The following GMDS variants were observed in gnomAD, a reference collection of about 807,000 sequenced individuals.
The protein encoded by GMDS is GDP-mannose 4,6-dehydratase.
A neutral mutation model predicts 49.9 loss-of-function variants in GMDS; 20 were observed. The ratio of observed to expected loss-of-function variants is 0.40; its 90% CI spans 0.28 to 0.58. The LOEUF is 0.58. GMDS is among the 20% of genes least tolerant of loss of function. The pLI is 0.42. For synonymous variants in GMDS, 177 were observed against 178.6 expected (o/e 0.99, Z 0.07); for missense variants, 362 against 481.4 (o/e 0.75, Z 2.32).
intron 6 of GMDS, among the ~76,000 whole-genome samples, chr6:1,955,740 A>G (rs114925122): frequency 9.2e-5 from 14 of 152,190 alleles, no homozygotes; most frequent in African/African-American, 2.6e-4. Context: ...ATTTAGAAAG[A>G]AAACCTAAAT....
At chr6:1,819,615 G>A (rs1054306198) in intron 7 of GMDS, among the ~76,000 whole-genome samples, 11 of 151,900 alleles carry the variant, frequency 7.2e-5, no homozygotes, top group African/African-American at 2.7e-4. Context: ...ACAAAAATTA[G>A]CCAGGCGTGG....
At chr6:1,832,423 T>C (rs1756703307) in intron 7 of GMDS, among the ~76,000 whole-genome samples, 2 of 151,886 alleles carry the variant, frequency 1.3e-5, no homozygotes, top group Admixed American at 6.6e-5. Flanking sequence ...CAAAACTCCT[T>C]AGAGATTAAT....
At chr6:2,137,235 T>G (rs1776052757) in intron 1 of GMDS, among the ~76,000 whole-genome samples, 1 of 152,208 alleles carries the variant, frequency 6.6e-6, no homozygotes, top group African/African-American at 2.4e-5. Flanking sequence ...GCCTAGCTAG[T>G]TGACAAATTA....
At chr6:1,840,688 A>G (rs992975808) in intron 7 of GMDS, among the ~76,000 whole-genome samples, 1 of 152,186 alleles carries the variant, frequency 6.6e-6, no homozygotes. Flanking sequence ...CAAGTGGAGC[A>G]CTGAGTGGAG....
At position 2,150,122 on chromosome 6, in the gene GMDS, C is replaced by A. The variant is rs193153941; in HGVS notation, c.103-25391G>T. Among the ~76,000 whole-genome samples the A allele has an allele frequency of 1.5e-3, 227 of 152,002 alleles. 2 individuals carry two copies. Among genetic ancestry groups the A allele is most frequent in the African/African-American group, 5.0e-3 (207 of 41,454 alleles). On this transcript the variant is annotated intron_variant, in intron 1 of 10. Transcript: ENST00000380815. ...GAAAAAACACTCATTCCATCTAGTA[C>A]GTATTGTGAGAGAAGATCAAGTACT...
chr6:1,914,869 G>A (rs1332178019), intron 7 of GMDS, among the ~76,000 whole-genome samples: 1 of 152,220 alleles, frequency 6.6e-6, no homozygotes, highest in East Asian at 1.9e-4. Flanking sequence ...GATGAGTGAG[G>A]TGCTAGGCCC....
At chr6:2,020,935 T>C (rs1768240776) in intron 4 of GMDS, among the ~76,000 whole-genome samples, 1 of 152,222 alleles carries the variant, frequency 6.6e-6, no homozygotes, top group African/African-American at 2.4e-5. Flanking sequence ...TCTACTACTA[T>C]ACTGGAAAAA....
chr6:1,970,113 G>A (rs1366695407), intron 4 of GMDS, among the ~76,000 whole-genome samples: 7 of 152,108 alleles, frequency 4.6e-5, no homozygotes, highest in Non-Finnish European at 8.8e-5. Context: ...ATGTGGTGTC[G>A]GAAAAAGAGA....
chr6:2,054,563 A>G (rs1358016264), intron 4 of GMDS, among the ~76,000 whole-genome samples: 4 of 152,122 alleles, frequency 2.6e-5, no homozygotes, highest in South Asian at 2.1e-4. Context: ...GAGGTTGGCA[A>G]TAACAGTGAA....
chr6:1,637,898 G>C (rs529628673), intron 9 of GMDS, among the ~76,000 whole-genome samples: 1 of 152,186 alleles, frequency 6.6e-6, no homozygotes, highest in South Asian at 2.1e-4. Flanking sequence ...TGTGCCACTC[G>C]AGGTGGATCC....
At position 1,960,752 on chromosome 6, in the gene GMDS, C is replaced by T. The variant is rs191793429; in HGVS notation, c.538+22G>A. ...CACAGATAACGCCACACATGTGCTC[C>T]GGTGTGCACGCATGTTCTCACCATA... On this transcript the variant is annotated intron_variant, in intron 5 of 10. Coordinates refer to ENST00000380815, the MANE Select transcript of GMDS (RefSeq NM_001500.4). 5.7e-4 allele frequency: 847 copies of T among 1,485,810 alleles called. 7 individuals are homozygous for T. In the East Asian group the frequency reaches 0.016, roughly 28 times the overall value. 92.0% of individuals were successfully genotyped at this position (1,485,810 alleles called of 1,614,324 possible).
intron 6 of GMDS, among the ~76,000 whole-genome samples, chr6:1,949,657 G>A (rs1031865805): frequency 6.6e-6 from 1 of 152,176 alleles, no homozygotes; most frequent in Non-Finnish European, 1.5e-5. Context: ...TGATCGCCAA[G>A]TGTACATGTC....
chr6:1,739,611 G>C lies in GMDS; in HGVS notation c.890+2857C>G, dbSNP rs982030467. On this transcript the variant is annotated intron_variant, in intron 8 of 10. Transcript: ENST00000380815. The stretch of plus-strand genomic sequence containing the variant: ...AGCGACAGGTCTAGGGATAACTGCA[G>C]GACCCACAAGGGCCAGCCACAGTCC... 4.4e-4 allele frequency among the ~76,000 whole-genome samples: 67 copies of C among 152,382 alleles called. 1 individual carries two copies. The highest frequency in any genetic ancestry group is 1.6e-3 in the African/African-American group (66 of 41,598).
rs1254718885 is a variant in GMDS, at chr6:1,766,324, C to T, written c.772-23738G>A. Among the ~76,000 whole-genome samples, 1 of 152,124 alleles carries T rather than the reference C, an allele frequency of 6.6e-6. No homozygotes were observed. Among genetic ancestry groups the T allele is most frequent in the Non-Finnish European group, 1.5e-5 (1 of 68,020 alleles). ...CGAGGCAGCAGATTCATTTGGGCTT[C>T]AGGAAACGCGGTGCATGAGCTGTTT... On this transcript the variant is annotated intron_variant, in intron 7 of 10. Transcript: ENST00000380815. This position sits in a 1 kb window ranked among gnomAD's most constrained non-coding sequence, Gnocchi z 4.5.
chr6:1,907,115 CATT>C (rs1400067284), intron 7 of GMDS, among the ~76,000 whole-genome samples: 1 of 152,230 alleles, frequency 6.6e-6, no homozygotes, highest in Non-Finnish European at 1.5e-5. Context: ...CACACTCTAA[CATT>C]ATTTGCTGTT....
intron 7 of GMDS, among the ~76,000 whole-genome samples, chr6:1,816,083 G>C (rs1770657688): frequency 6.6e-6 from 1 of 152,258 alleles, no homozygotes; most frequent in African/African-American, 2.4e-5. Context: ...AGGGCGCTGA[G>C]CCAAGTTGGG....
intron 4 of GMDS, among the ~76,000 whole-genome samples, chr6:2,062,719 A>C (rs1259578430): frequency 6.6e-6 from 1 of 152,228 alleles, no homozygotes; most frequent in Non-Finnish European, 1.5e-5. Context: ...CCTTGATTTT[A>C]TCTTAAAAAG....
intron 7 of GMDS, among the ~76,000 whole-genome samples, chr6:1,926,974 T>C (rs2113918209): frequency 9.6e-6 from 1 of 104,640 alleles, no homozygotes; most frequent in South Asian, 3.1e-4. Flanking sequence ...CAAATTTTTA[T>C]TCAGAGGGTA....
chr6:1,965,575 C>T (rs368614682), intron 4 of GMDS, among the ~76,000 whole-genome samples: 91 of 152,260 alleles, frequency 6.0e-4, no homozygotes, highest in African/African-American at 2.0e-3. Flanking sequence ...GTGGTCCCGA[C>T]ACTTTGGGAG....
Sources: allele counts gnomAD v4.1 joint callset (sites outside exome capture counted in the v4.1 genomes callset), GRCh38; gene constraint gnomAD v4.1.1; non-coding constraint Gnocchi (gnomAD v3.1); transcripts MANE v1.5; gene names NCBI Gene and HGNC (gene_info 2026-07-23, HGNC 2026-07-21).